The following DACH2 variants were observed in gnomAD, a reference collection of about 807,000 sequenced individuals.
DACH2 encodes dachshund family transcription factor 2.
In DACH2, 17 loss-of-function variants were observed where a neutral mutation model predicts 35.8. That is an observed-to-expected ratio of 0.48 (90% CI 0.33 to 0.71). The LOEUF is 0.71. Among genes scored for constraint, DACH2 ranks in the 30% least tolerant of loss-of-function variants. The pLI is 0.02. For synonymous variants in DACH2, 195 were observed against 177.3 expected (o/e 1.10, Z -0.79); for missense variants, 469 against 472.7 (o/e 0.99, Z 0.07).
chrX:86,287,706 T>A (rs1250948964), intron 1 of DACH2, among the ~76,000 whole-genome samples: 2 of 112,309 alleles, frequency 1.8e-5, no homozygotes, highest in Non-Finnish European at 3.8e-5. Context: ...GCCAATTACA[T>A]TTTTTAGCTC....
chrX:86,686,335 C>T (rs770495022), intron 4 of DACH2, among the ~76,000 whole-genome samples: 1 of 110,782 alleles, frequency 9.0e-6, no homozygotes, highest in South Asian at 3.9e-4. Flanking sequence ...TGGGTTCAAG[C>T]AATTCTCCTG....
chrX:86,658,190 A>C (rs773832791), intron 4 of DACH2, among the ~76,000 whole-genome samples: 1 of 111,719 alleles, frequency 9.0e-6, no homozygotes, highest in Admixed American at 9.6e-5. Context: ...GAAATTTCCA[A>C]ATTTATTGAC....
intron 1 of DACH2, among the ~76,000 whole-genome samples, chrX:86,175,795 G>A (rs1412608061): frequency 1.8e-5 from 2 of 111,251 alleles, no homozygotes; most frequent in Non-Finnish European, 3.8e-5. Context: ...TTGGGTCGCT[G>A]TGGAAGTCCT....
At chrX:86,160,825 C>T in intron 1 of DACH2, 1 of 491,842 alleles carries the variant, frequency 2.0e-6, no homozygotes, top group Non-Finnish European at 3.7e-6. Context: ...AAGGAGACCA[C>T]CATACCGGGT....
chrX:86,629,246 G>A (rs760779871), intron 3 of DACH2, among the ~76,000 whole-genome samples: 56 of 110,999 alleles, frequency 5.0e-4, no homozygotes, highest in African/African-American at 1.6e-3. Context: ...GTGTTTTGTC[G>A]CCTCTAGTCC....
chrX:86,421,799 C>T (rs1261812167), intron 2 of DACH2, among the ~76,000 whole-genome samples: 2 of 110,985 alleles, frequency 1.8e-5, no homozygotes, highest in Non-Finnish European at 3.8e-5. Context: ...GGAGAAACTT[C>T]TTAGGTATAT....
chrX:86,546,405 C>T (rs865944703), intron 3 of DACH2, among the ~76,000 whole-genome samples: 2 of 11,545 alleles, frequency 1.7e-4, no homozygotes, highest in Non-Finnish European at 3.1e-4. Context: ...CTTCTTCTTC[C>T]TTCTTCTTCT....
intron 1 of DACH2, among the ~76,000 whole-genome samples, chrX:86,322,930 AG>A (rs2035043171): frequency 2.3e-5 from 1 of 43,762 alleles, no homozygotes; most frequent in Non-Finnish European, 3.7e-5. Flanking sequence ...TTGTCTTTAG[AG>A]GACATTTTTC....
At chrX:86,682,650 A>T (rs2040893567) in intron 4 of DACH2, among the ~76,000 whole-genome samples, 1 of 111,598 alleles carries the variant, frequency 9.0e-6, no homozygotes, top group Non-Finnish European at 1.9e-5. Context: ...TCCATTTATG[A>T]ATCTCTTTGA....
intron 2 of DACH2, among the ~76,000 whole-genome samples, chrX:86,441,706 T>C (rs760021833): frequency 4.5e-5 from 5 of 110,017 alleles, no homozygotes; most frequent in African/African-American, 1.6e-4. Context: ...TTTTTAATTA[T>C]TTGAGGAAAC....
intron 3 of DACH2, among the ~76,000 whole-genome samples, chrX:86,589,085 T>A (rs937585429): frequency 5.4e-5 from 6 of 112,092 alleles, no homozygotes; most frequent in Non-Finnish European, 1.1e-4. Context: ...ATGTTGGATT[T>A]TATTGAAAGT....
chrX:86,758,741 T>C (rs1353224225), intron 7 of DACH2, among the ~76,000 whole-genome samples: 1 of 112,259 alleles, frequency 8.9e-6, no homozygotes, highest in Admixed American at 9.4e-5. Context: ...CTGTTAGGTC[T>C]ATTTGGTCTA....
At chrX:86,322,408 CT>C (rs752510737) in intron 1 of DACH2, among the ~76,000 whole-genome samples, 1 of 110,504 alleles carries the variant, frequency 9.0e-6, no homozygotes, top group Non-Finnish European at 1.9e-5. Context: ...TCTCCTTGTT[CT>C]TTTTAGTGTG....
At chrX:86,652,853 G>T (rs949036490) in intron 4 of DACH2, among the ~76,000 whole-genome samples, 1 of 111,384 alleles carries the variant, frequency 9.0e-6, no homozygotes, top group Admixed American at 9.5e-5. Flanking sequence ...ACCTTTGTCA[G>T]ATGTATATTT....
intron 1 of DACH2, among the ~76,000 whole-genome samples, chrX:86,291,788 G>A (rs1203957857): frequency 3.4e-5 from 2 of 58,723 alleles, no homozygotes; most frequent in Non-Finnish European, 5.8e-5. Flanking sequence ...CTTGATCATG[G>A]TGGATAAGCT....
intron 1 of DACH2, among the ~76,000 whole-genome samples, chrX:86,367,503 A>T (rs1476452299): frequency 1.8e-5 from 2 of 111,775 alleles, no homozygotes; most frequent in Non-Finnish European, 3.8e-5. Context: ...TTTCAATGTA[A>T]TCTACCTATA....
In DACH2 at chrX:86,717,583, G is replaced by A. The variant is rs780591991; in HGVS notation, c.1104+2863G>A. On this transcript the variant is annotated intron_variant, in intron 6 of 11. Coordinates refer to ENST00000373125, the MANE Select transcript of DACH2 (RefSeq NM_053281.3). ...TGACTGGAGTGTAAACTTGGACATAGAATTGTCTTTGAGAAGAAAATTACC... is the reference window on the plus strand; with the variant it reads ...TGACTGGAGTGTAAACTTGGACATAAAATTGTCTTTGAGAAGAAAATTACC... Among the ~76,000 whole-genome samples the A allele has an allele frequency of 1.5e-4, 16 of 108,632 alleles. No individual in the cohort carries two copies. In the South Asian group the frequency reaches 5.1e-3, roughly 35 times the overall value. 94.3% of individuals were successfully genotyped at this position (108,632 alleles called of 115,157 possible).
chrX:86,698,526 T>G (rs1204749910), intron 5 of DACH2, among the ~76,000 whole-genome samples: 6 of 54,700 alleles, frequency 1.1e-4, no homozygotes, highest in East Asian at 5.9e-4. Flanking sequence ...TTTGTGTTTT[T>G]TTTTTTTTTT....
At chrX:86,386,782 T>C (rs1438717051) in intron 2 of DACH2, among the ~76,000 whole-genome samples, 7 of 111,388 alleles carry the variant, frequency 6.3e-5, no homozygotes, top group Non-Finnish European at 1.3e-4. Flanking sequence ...ACTCATCTTG[T>C]ATATTTCCTG....
Sources: gnomAD v4.1 joint callset for allele counts (sites outside exome capture counted in the v4.1 genomes callset) on GRCh38, gnomAD v4.1.1 for gene constraint, MANE v1.5 for transcripts, NCBI Gene and HGNC (gene_info 2026-07-23, HGNC 2026-07-21) for gene names.